COLEC10: variants seen among roughly 807,000 people sequenced by gnomAD.
The protein encoded by COLEC10 is collectin subfamily member 10.
In COLEC10, 22 loss-of-function variants were observed where a neutral mutation model predicts 28.4. That is an observed-to-expected ratio of 0.78 (90% CI 0.55 to 1.11). COLEC10 has a LOEUF of 1.11. Ranked by LOEUF, COLEC10 falls within the 50% of genes least tolerant of loss-of-function variation. The pLI is 0.00. For missense variants in COLEC10, 361 were observed against 344.1 expected, an observed-to-expected ratio of 1.05 and a Z score of -0.39; for synonymous variants, 125 against 116.1, an observed-to-expected ratio of 1.08 and a Z score of -0.49.
At chr8:118,966,246 A>G in the COLEC10 span, among the ~76,000 whole-genome samples, 1 of 152,164 alleles carries the variant, frequency 6.6e-6, no homozygotes. Context: ...ACAAGAAGGA[A>G]GCAAAAGAGG....
At chr8:118,983,246 G>A in the COLEC10 span, among the ~76,000 whole-genome samples, 2 of 152,140 alleles carry the variant, frequency 1.3e-5, no homozygotes, top group Non-Finnish European at 2.9e-5. Context: ...CTACTGGAAT[G>A]CATAAAATCC....
chr8:119,021,797 T>C (rs1247573070), intron 2 of COLEC10, among the ~76,000 whole-genome samples: 1 of 152,208 alleles, frequency 6.6e-6, no homozygotes, highest in Admixed American at 6.5e-5. Context: ...AGCTTGGCTC[T>C]GTCATTTATC....
At chr8:119,038,789 C>T (rs1428247643) in intron 2 of COLEC10, among the ~76,000 whole-genome samples, 1 of 152,098 alleles carries the variant, frequency 6.6e-6, no homozygotes, top group Non-Finnish European at 1.5e-5. Flanking sequence ...ACTCAACACC[C>T]GTGGATGGTA....
intron 5 of COLEC10, 34 bp from the exon 6 acceptor site, chr8:119,105,766 A>T (rs1229185147): frequency 6.5e-7 from 1 of 1,547,630 alleles, no homozygotes; most frequent in East Asian, 2.3e-5. Flanking sequence ...TCTTTTTGAG[A>T]TACGTAATGA....
intron 2 of COLEC10, among the ~76,000 whole-genome samples, chr8:119,047,397 T>A (rs1814604191): frequency 6.6e-6 from 1 of 152,218 alleles, no homozygotes; most frequent in African/African-American, 2.4e-5. Flanking sequence ...AGCCTCTATG[T>A]GTACTCAGTA....
chr8:119,011,725 A>G (rs1211857525), intron 2 of COLEC10, among the ~76,000 whole-genome samples: 1 of 150,908 alleles, frequency 6.6e-6, no homozygotes, highest in East Asian at 1.9e-4. Context: ...TGCTAATGTT[A>G]TATTGCATTT....
the COLEC10 span, among the ~76,000 whole-genome samples, chr8:118,957,868 AATC>A: frequency 6.6e-6 from 1 of 152,178 alleles, no homozygotes; most frequent in Non-Finnish European, 1.5e-5. Flanking sequence ...GATAGGGCTG[AATC>A]CCTGGAATGG....
chr8:118,969,097 A>AG, the COLEC10 span, among the ~76,000 whole-genome samples: 1 of 152,022 alleles, frequency 6.6e-6, no homozygotes, highest in South Asian at 2.1e-4. Flanking sequence ...GGAAGGCAAG[A>AG]GGATCAGTCA....
chr8:118,975,689 A>G, the COLEC10 span, among the ~76,000 whole-genome samples: 3 of 151,990 alleles, frequency 2.0e-5, no homozygotes, highest in South Asian at 2.1e-4. Context: ...GAGAGAGGTG[A>G]TTTCCTAAGA....
At chr8:119,023,503 C>A (rs1282124674) in intron 2 of COLEC10, among the ~76,000 whole-genome samples, 1 of 152,074 alleles carries the variant, frequency 6.6e-6, no homozygotes, top group Non-Finnish European at 1.5e-5. Flanking sequence ...ATCAACAGAA[C>A]TAAAACTTTG....
At chr8:119,069,605 C>CAA (rs138362458) in intron 1 of COLEC10, among the ~76,000 whole-genome samples, 27 of 8,758 alleles carry the variant, frequency 3.1e-3, no homozygotes, top group Non-Finnish European at 4.5e-3. Context: ...GACCCCATCT[C>CAA]AAAAAAAAAA....
At chr8:119,074,183 G>A (rs1434635622) in intron 1 of COLEC10, among the ~76,000 whole-genome samples, 2 of 151,728 alleles carry the variant, frequency 1.3e-5, no homozygotes, top group African/African-American at 2.4e-5. Context: ...CAATTAATGG[G>A]TACAAAAATA....
At chr8:119,036,078 C>T (rs1689005692) in intron 2 of COLEC10, among the ~76,000 whole-genome samples, 1 of 152,016 alleles carries the variant, frequency 6.6e-6, no homozygotes, top group Non-Finnish European at 1.5e-5. Context: ...AAAATTAATT[C>T]AAGCACACGG....
At chr8:119,001,368 T>C (rs1360578730) in intron 1 of COLEC10, among the ~76,000 whole-genome samples, 1 of 152,104 alleles carries the variant, frequency 6.6e-6, no homozygotes, top group African/African-American at 2.4e-5. Context: ...TAAATCCCAA[T>C]AGTGACATTA....
chr8:119,084,732 T>C (rs1274538083), intron 1 of COLEC10, among the ~76,000 whole-genome samples: 2 of 152,252 alleles, frequency 1.3e-5, no homozygotes, highest in Non-Finnish European at 2.9e-5. Flanking sequence ...AAGGGAGATA[T>C]GTTCATGTCT....
intron 2 of COLEC10, among the ~76,000 whole-genome samples, chr8:119,045,352 A>C (rs776840034): frequency 1.3e-5 from 2 of 152,218 alleles, no homozygotes; most frequent in Non-Finnish European, 2.9e-5. Flanking sequence ...GGTAAAATAG[A>C]AAAATGTGGC....
chr8:118,986,318 T>G, the COLEC10 span, among the ~76,000 whole-genome samples: 1 of 152,168 alleles, frequency 6.6e-6, no homozygotes, highest in Non-Finnish European at 1.5e-5. Context: ...TCTGATGCTC[T>G]GAGCAGCAGA....
In COLEC10 at chr8:119,106,961, GA is replaced by G. The variant is rs1197207552; in HGVS notation, c.*777del. Among the ~76,000 whole-genome samples, 2 of 151,898 alleles carry G rather than the reference GA, an allele frequency of 1.3e-5. No individual in the cohort carries two copies. Among genetic ancestry groups the G allele is most frequent in the Non-Finnish European group, 2.9e-5 (2 of 67,950 alleles). ...AAAAATGGAGCTCTTGAAATCAAAAGAAAAAAATGGGGAATTGTTCACAAAC... is the reference window on the plus strand; with the variant it reads ...AAAAATGGAGCTCTTGAAATCAAAAGAAAAAATGGGGAATTGTTCACAAAC... On this transcript the variant is annotated 3_prime_UTR_variant, in exon 6 of 6. Coordinates refer to ENST00000332843, the MANE Select transcript of COLEC10 (RefSeq NM_006438.5).
intron 2 of COLEC10, among the ~76,000 whole-genome samples, chr8:119,022,945 G>T (rs901788970): frequency 1.3e-5 from 2 of 151,964 alleles, no homozygotes; most frequent in African/African-American, 4.8e-5. Flanking sequence ...TGAGCTCCTT[G>T]ATCTTCCTCT....
Sources: gnomAD v4.1 joint callset for allele counts (sites outside exome capture counted in the v4.1 genomes callset) on GRCh38, gnomAD v4.1.1 for gene constraint, MANE v1.5 for transcripts, NCBI Gene and HGNC (gene_info 2026-07-23, HGNC 2026-07-21) for gene names.